GALNTL6: variants seen among roughly 807,000 people sequenced by gnomAD.
The protein encoded by GALNTL6 is polypeptide N-acetylgalactosaminyltransferase like 6.
A neutral mutation model predicts 73.7 loss-of-function variants in GALNTL6; 46 were observed. The ratio of observed to expected loss-of-function variants is 0.62; its 90% confidence interval spans 0.49 to 0.80. The LOEUF (loss-of-function observed/expected upper bound fraction) is 0.80. GALNTL6 is among the 30% of genes least tolerant of loss of function. The probability of loss-of-function intolerance (pLI) is 0.00; values close to 1 mark genes in which losing one functional copy is unlikely to be tolerated. For missense variants in GALNTL6, 604 were observed against 755.0 expected (o/e 0.80, Z 2.34); for synonymous variants, 259 against 263.7 (o/e 0.98, Z 0.17).
At chr4:172,147,363 A>T (rs1733953770) in intron 2 of GALNTL6, among the ~76,000 whole-genome samples, 1 of 152,242 alleles carries the variant, frequency 6.6e-6, no homozygotes, top group African/African-American at 2.4e-5. Flanking sequence ...TAAAATGTCA[A>T]TATGCTAAAC....
intron 5 of GALNTL6, among the ~76,000 whole-genome samples, chr4:172,806,089 A>G (rs1258025796): frequency 6.6e-6 from 1 of 152,176 alleles, no homozygotes; most frequent in Non-Finnish European, 1.5e-5. Context: ...CCCTTGTATG[A>G]GAGTTGAATT....
intron 2 of GALNTL6, among the ~76,000 whole-genome samples, chr4:172,212,459 A>G (rs922171634): frequency 6.6e-6 from 1 of 152,102 alleles, no homozygotes; most frequent in African/African-American, 2.4e-5. Context: ...TCGCCCAGCC[A>G]ATGATTAGCT....
chr4:172,987,695 G>A (rs1465152389), intron 10 of GALNTL6, among the ~76,000 whole-genome samples: 2 of 152,078 alleles, frequency 1.3e-5, no homozygotes, highest in African/African-American at 2.4e-5. Flanking sequence ...CTCTCCACTT[G>A]CTATTCTCAT....
chr4:171,826,653 C>T (rs76108886), intron 2 of GALNTL6, among the ~76,000 whole-genome samples: 1 of 152,084 alleles, frequency 6.6e-6, no homozygotes, highest in Non-Finnish European at 1.5e-5. Context: ...TTCAAAGCCG[C>T]ATATCATTAG....
intron 5 of GALNTL6, among the ~76,000 whole-genome samples, chr4:172,462,325 T>G (rs1732648763): frequency 6.6e-6 from 1 of 152,186 alleles, no homozygotes; most frequent in Non-Finnish European, 1.5e-5. Flanking sequence ...TCCTGACTAA[T>G]AGAAGCACCA....
chr4:172,371,118 G>C (rs988787233), intron 5 of GALNTL6, among the ~76,000 whole-genome samples: 10 of 152,194 alleles, frequency 6.6e-5, no homozygotes, highest in Admixed American at 1.3e-4. Context: ...TCACACGTTT[G>C]AGCAGACCAA....
chr4:172,027,194 C>CCT (rs1741614136), intron 2 of GALNTL6, among the ~76,000 whole-genome samples: 2 of 152,096 alleles, frequency 1.3e-5, no homozygotes, highest in Non-Finnish European at 2.9e-5. Flanking sequence ...CTAAGCCTGG[C>CCT]CTGCGCTTTA....
intron 2 of GALNTL6, among the ~76,000 whole-genome samples, chr4:171,842,676 G>C (rs1270076758): frequency 6.6e-6 from 1 of 151,994 alleles, no homozygotes; most frequent in African/African-American, 2.4e-5. Context: ...TAAACAACCA[G>C]ATCCCCAGTG....
intron 2 of GALNTL6, among the ~76,000 whole-genome samples, chr4:172,200,656 A>G (rs1230672398): frequency 6.6e-6 from 1 of 152,236 alleles, no homozygotes. Flanking sequence ...TGAATACTAT[A>G]TCTGAATAAA....
intron 5 of GALNTL6, among the ~76,000 whole-genome samples, chr4:172,696,264 T>C (rs986883099): frequency 2.6e-5 from 4 of 152,346 alleles, no homozygotes; most frequent in African/African-American, 9.6e-5. Context: ...CCATTGAGCT[T>C]GTCATGCTTG....
In GALNTL6 at chr4:172,813,423, G is replaced by A. The variant is rs558516151; in HGVS notation, c.740-117G>A. 2.3e-5 allele frequency: 17 copies of A among 734,918 alleles called. No homozygotes were observed. The South Asian group carries it at 4.0e-4, about 17-fold the overall frequency. The allele number at this position is 734,918 out of a possible 1,614,324, so 45.5% of individuals were successfully genotyped here. A position where few individuals can be genotyped will look rare whatever the true frequency, so the allele number is the denominator to read the frequency against. On this transcript the variant is annotated intron_variant, in intron 6 of 12. Coordinates refer to ENST00000506823, the MANE Select transcript of GALNTL6 (RefSeq NM_001034845.3). ...CTGAAAAGGGCTCTAAGGAGGACAG[G>A]GAGCCACGGCTGCAAGCATTATGCA...
chr4:173,034,112 T>G (rs1033533541), intron 12 of GALNTL6, among the ~76,000 whole-genome samples: 1 of 152,120 alleles, frequency 6.6e-6, no homozygotes, highest in Admixed American at 6.5e-5. Context: ...CCTCCACATC[T>G]CATTAATCAG....
chr4:172,536,408 G>A (rs1735346456), intron 5 of GALNTL6, among the ~76,000 whole-genome samples: 2 of 152,172 alleles, frequency 1.3e-5, no homozygotes, highest in Non-Finnish European at 1.5e-5. Context: ...CTAGAGACTT[G>A]TTTAATGGCT....
At chr4:172,753,524 T>G (rs936276231) in intron 5 of GALNTL6, among the ~76,000 whole-genome samples, 1 of 152,210 alleles carries the variant, frequency 6.6e-6, no homozygotes, top group Non-Finnish European at 1.5e-5. Flanking sequence ...TTAGGCTTCT[T>G]AAACTGAAAA....
intron 3 of GALNTL6, among the ~76,000 whole-genome samples, chr4:172,232,979 TG>T (rs1737120946): frequency 2.0e-5 from 3 of 152,172 alleles, no homozygotes; most frequent in African/African-American, 7.2e-5. Flanking sequence ...TCTTTATGTA[TG>T]GTTTAATGAA....
chr4:172,088,061 G>A (rs892459251), intron 2 of GALNTL6, among the ~76,000 whole-genome samples: 8 of 152,086 alleles, frequency 5.3e-5, no homozygotes, highest in African/African-American at 1.9e-4. Context: ...TGGTTGTACA[G>A]AAAGAGATAT....
At chr4:171,970,999 T>C (rs1397220389) in intron 2 of GALNTL6, among the ~76,000 whole-genome samples, 2 of 152,240 alleles carry the variant, frequency 1.3e-5, no homozygotes, top group African/African-American at 4.8e-5. Flanking sequence ...GAGAAATTAG[T>C]AGCAGGGTTG....
chr4:172,126,363 A>G (rs541577578), intron 2 of GALNTL6, among the ~76,000 whole-genome samples: 1 of 152,314 alleles, frequency 6.6e-6, no homozygotes, highest in South Asian at 2.1e-4. Flanking sequence ...AAGATGGCTG[A>G]CTACAGGCAT....
chr4:172,415,696 G>C (rs1730805517), intron 5 of GALNTL6, among the ~76,000 whole-genome samples: 1 of 152,064 alleles, frequency 6.6e-6, no homozygotes, highest in Non-Finnish European at 1.5e-5. Context: ...CAAAAACCGA[G>C]CTCCCTGAGT....
Sources: gnomAD v4.1 joint callset for allele counts (sites outside exome capture counted in the v4.1 genomes callset) on GRCh38, gnomAD v4.1.1 for gene constraint, MANE v1.5 for transcripts, NCBI Gene and HGNC (gene_info 2026-07-23, HGNC 2026-07-21) for gene names.